The following TMLHE variants were observed in gnomAD, a reference collection of about 807,000 sequenced individuals.
TMLHE encodes the protein trimethyllysine dioxygenase, mitochondrial.
In TMLHE, 18 loss-of-function variants were observed where a neutral mutation model predicts 25.7. The observed-to-expected ratio is 0.70, with a 90% CI of 0.48 to 1.04. The LOEUF is 1.04. Ranked by LOEUF, TMLHE falls within the 50% of genes least tolerant of loss-of-function variation. The probability of loss-of-function intolerance (pLI) is 0.00; values close to 1 mark genes in which losing one functional copy is unlikely to be tolerated. For missense variants in TMLHE, 236 were observed against 259.0 expected, an observed-to-expected ratio of 0.91 and a Z score of 0.61; for synonymous variants, 105 against 97.0, an observed-to-expected ratio of 1.08 and a Z score of -0.49.
rs782157835 is a variant in TMLHE, at chrX:155,524,557, T to C, written c.257A>G (p.Tyr86Cys). 1.3e-5 allele frequency: 16 copies of C among 1,209,040 alleles called. No individual in the cohort carries two copies. In the South Asian group the frequency reaches 1.8e-4, roughly 13 times the overall value. ...GCTGCGCTGGTGAGTCTTAGAGTTG[T>C]AGCACGATGCTGAGCGGCAGTGGTC... is the stretch of plus-strand genomic sequence containing the variant. ...LRDHCRSASC[Y>C]NSKTHQRSLD... Residue 86 changes from tyrosine (Y) to cysteine (C), a missense_variant, in exon 3 of 8, where the codon TAC (tyrosine) becomes TGC (cysteine). Transcript: ENST00000334398.
At chrX:155,552,141 T>A (rs926998858) in intron 1 of TMLHE, among the ~76,000 whole-genome samples, 1 of 110,325 alleles carries the variant, frequency 9.1e-6, no homozygotes, top group African/African-American at 3.4e-5. Flanking sequence ...AATTTTCTAA[T>A]AGTTTGTTCG....
rs191573437 is a variant in TMLHE at position 155,512,410 on chromosome X, T to C, written c.639-618A>G. 8.4e-3 allele frequency among the ~76,000 whole-genome samples: 856 copies of C among 101,537 alleles called. 7 individuals are homozygous for C. Among genetic ancestry groups the C allele is most frequent in the African/African-American group, 0.028 (769 of 27,302 alleles). The allele number at this position is 101,537 out of a possible 115,157, so 88.2% of individuals were successfully genotyped here. On this transcript the variant is annotated intron_variant, in intron 4 of 7. Transcript: ENST00000334398. Reference sequence around the variant, plus strand: ...TTCAATTCCCACCTATGAGTGAGAATATGCGGTGTTTGGTTTTTTGTCCTT... The same window carrying C: ...TTCAATTCCCACCTATGAGTGAGAACATGCGGTGTTTGGTTTTTTGTCCTT...
intron 4 of TMLHE, among the ~76,000 whole-genome samples, chrX:155,512,437 C>T (rs190137745): frequency 1.7e-3 from 187 of 107,172 alleles, no homozygotes; most frequent in Non-Finnish European, 2.5e-3. Context: ...TTTGTCCTTG[C>T]GATAGTTTAC....
chrX:155,513,390 G>A (rs1258040213), intron 4 of TMLHE, among the ~76,000 whole-genome samples: 1 of 111,567 alleles, frequency 9.0e-6, no homozygotes, highest in East Asian at 2.8e-4. Flanking sequence ...GTATATTTGA[G>A]TGTCAGTGCC....
Position 155,545,253 on chromosome X carries a change from G to A in TMLHE, c.24C>T (p.His8=). The A allele has an allele frequency of 2.5e-6, 3 of 1,198,505 alleles. No homozygotes were observed. Among genetic ancestry groups the A allele is most frequent in the Non-Finnish European group, 3.4e-6 (3 of 890,683 alleles). Residue 8 remains histidine, a synonymous_variant, in exon 2 of 8, where the codon CAC becomes CAT. Transcript: ENST00000334398. The part of the protein sequence containing the change: MWYHRLS[H]LHSRLQDLLK... Reference sequence around the variant, plus strand: ...GCAAGTCCTGAAGCCTGCTGTGTAGGTGGGACAATCTGTGGTACCACATCC... The same window carrying A: ...GCAAGTCCTGAAGCCTGCTGTGTAGATGGGACAATCTGTGGTACCACATCC...
At chrX:155,541,082 A>G (rs892249088) in intron 2 of TMLHE, among the ~76,000 whole-genome samples, 1 of 110,730 alleles carries the variant, frequency 9.0e-6, no homozygotes, top group Non-Finnish European at 1.9e-5. Context: ...GTTCTGGGGT[A>G]CATGTGCAGA....
intron 5 of TMLHE, 29 bp downstream of exon 5, chrX:155,511,643 CT>C: frequency 8.5e-7 from 1 of 1,175,030 alleles, no homozygotes; most frequent in Non-Finnish European, 1.1e-6. Context: ...CATATAAAGA[CT>C]TTACACTGTA....
intron 1 of TMLHE, among the ~76,000 whole-genome samples, chrX:155,547,184 G>T (rs5940481): frequency 0.031 from 2,970 of 96,510 alleles, 75 homozygotes; most frequent in African/African-American, 0.049. Context: ...TTGCTCTGTC[G>T]CCCAGGCTGG....
intron 1 of TMLHE, among the ~76,000 whole-genome samples, chrX:155,547,817 A>G (rs1188924889): frequency 9.0e-6 from 1 of 111,468 alleles, no homozygotes; most frequent in African/African-American, 3.3e-5. Flanking sequence ...TTCATTATTT[A>G]CCACCCCATT....
At chrX:155,605,681 C>T (rs5940403) in intron 1 of TMLHE, among the ~76,000 whole-genome samples, 4,547 of 111,809 alleles carry the variant, frequency 0.041, 99 homozygotes, top group African/African-American at 0.073. Context: ...AAAGCAACCA[C>T]GTGATCAAGT....
In TMLHE at chrX:155,565,782, T is replaced by C. The variant is rs781811834; in HGVS notation, c.-1-20505A>G. 4.3e-3 allele frequency among the ~76,000 whole-genome samples: 270 copies of C among 62,360 alleles called. 89 individuals are homozygous for C. Among genetic ancestry groups the C allele is most frequent in the Non-Finnish European group, 0.011 (239 of 22,221 alleles). 54.2% of individuals were successfully genotyped at this position (62,360 alleles called of 115,157 possible). A position where few individuals can be genotyped will look rare whatever the true frequency, so the allele number is the denominator to read the frequency against. On this transcript the variant is annotated intron_variant, in intron 1 of 7. Transcript: ENST00000334398. ...CTGCTAGGTGGAAGAGGTGCCTCGA[T>C]ACTCTGGAGATACTGACTTGAAAAT...
chrX:155,548,476 CTGAA>C (rs2067373538), intron 1 of TMLHE, among the ~76,000 whole-genome samples: 2 of 108,954 alleles, frequency 1.8e-5, no homozygotes, highest in East Asian at 5.7e-4. Flanking sequence ...TGGCTCATGC[CTGAA>C]ATCCCAGCAC....
At chrX:155,602,072 C>G (rs1451029179) in intron 1 of TMLHE, among the ~76,000 whole-genome samples, 1 of 111,167 alleles carries the variant, frequency 9.0e-6, no homozygotes, top group Non-Finnish European at 1.9e-5. Flanking sequence ...TCAAACAAAA[C>G]AAATACATTA....
chrX:155,508,247 TA>T (rs2124321699), intron 5 of TMLHE, among the ~76,000 whole-genome samples: 1 of 110,891 alleles, frequency 9.0e-6, no homozygotes, highest in South Asian at 3.7e-4. Flanking sequence ...TGAGGGAAAA[TA>T]AAATTAATAG....
chrX:155,579,284 G>C (rs782741244), intron 1 of TMLHE, among the ~76,000 whole-genome samples: 5 of 112,009 alleles, frequency 4.5e-5, no homozygotes, highest in African/African-American at 6.5e-5. Flanking sequence ...AAAAGAGCCT[G>C]AATAGCCAAA....
At chrX:155,579,575 G>T (rs2067612361) in intron 1 of TMLHE, among the ~76,000 whole-genome samples, 1 of 111,674 alleles carries the variant, frequency 9.0e-6, no homozygotes, top group African/African-American at 3.3e-5. Flanking sequence ...TGTTACAAAG[G>T]TATATTACAT....
At chrX:155,552,915 C>G (rs2067424619) in intron 1 of TMLHE, among the ~76,000 whole-genome samples, 1 of 110,508 alleles carries the variant, frequency 9.0e-6, no homozygotes. Flanking sequence ...TGCTATATTT[C>G]CATTTCTCAG....
At chrX:155,530,157 T>C (rs1022494655) in intron 2 of TMLHE, among the ~76,000 whole-genome samples, 3 of 111,831 alleles carry the variant, frequency 2.7e-5, no homozygotes, top group Non-Finnish European at 3.8e-5. Flanking sequence ...AAAGCCAAGA[T>C]ATGGAAAGAA....
intron 4 of TMLHE, 137 bp from the exon 5 acceptor site, chrX:155,511,929 G>A (rs1557333660): frequency 3.3e-6 from 2 of 612,389 alleles, no homozygotes; most frequent in Non-Finnish European, 4.7e-6. Flanking sequence ...AATCCATAAG[G>A]TGAAAATGAC....
Sources: gnomAD v4.1 joint callset for allele counts (sites outside exome capture counted in the v4.1 genomes callset) on GRCh38, gnomAD v4.1.1 for gene constraint, MANE v1.5 for transcripts, NCBI Gene and HGNC (gene_info 2026-07-23, HGNC 2026-07-21) for gene names.